Variants in RAPGEF6 observed in about 807,000 individuals in gnomAD.
RAPGEF6 encodes the protein Rap guanine nucleotide exchange factor 6, also known as PDZ domain containing guanine nucleotide exchange factor (GEF) 2.
A neutral mutation model predicts 171.4 loss-of-function variants in RAPGEF6; 56 were observed. The observed-to-expected ratio is 0.33, with a 90% CI of 0.26 to 0.41. The LOEUF is 0.41. Among genes scored for constraint, RAPGEF6 ranks in the 10% least tolerant of loss-of-function variants. The probability of loss-of-function intolerance (pLI) is 1.00; values close to 1 mark genes in which losing one functional copy is unlikely to be tolerated. For missense variants in RAPGEF6, 1,674 were observed against 1,921.4 expected (o/e 0.87, Z 2.41); for synonymous variants, 692 against 650.1 (o/e 1.06, Z -0.98).
chr5:131,504,900 T>G (rs1757264994), intron 10 of RAPGEF6, 122 bp from the exon 11 acceptor site: 11 of 929,560 alleles, frequency 1.2e-5, no homozygotes, highest in Non-Finnish European at 1.4e-5. Flanking sequence ...ACTTAATTCC[T>G]TTAATCTTTA....
intron 6 of RAPGEF6, among the ~76,000 whole-genome samples, chr5:131,541,154 A>G (rs764730442): frequency 4.6e-5 from 7 of 152,218 alleles, no homozygotes; most frequent in Non-Finnish European, 1.0e-4. Flanking sequence ...ACTTCATGCA[A>G]GTACTATCCT....
chr5:131,491,029 A>G (rs1756244691), intron 14 of RAPGEF6, among the ~76,000 whole-genome samples: 1 of 152,140 alleles, frequency 6.6e-6, no homozygotes, highest in Non-Finnish European at 1.5e-5. Flanking sequence ...AAAGCATGAT[A>G]AATTTCATTC....
intron 23 of RAPGEF6, among the ~76,000 whole-genome samples, chr5:131,440,447 A>G (rs1248030463): frequency 1.3e-5 from 2 of 152,114 alleles, no homozygotes; most frequent in Non-Finnish European, 2.9e-5. Flanking sequence ...CTTAAAACAT[A>G]AAGTAAGTGG....
intron 9 of RAPGEF6, among the ~76,000 whole-genome samples, chr5:131,507,567 G>A (rs375636688): frequency 1.3e-5 from 2 of 151,972 alleles, no homozygotes; most frequent in African/African-American, 4.8e-5. Context: ...GCTGTCATCC[G>A]AGCATTTTTG....
intron 17 of RAPGEF6, chr5:131,469,745 CAAAAT>C: frequency 7.7e-7 from 1 of 1,294,842 alleles, no homozygotes; most frequent in East Asian, 2.6e-5. Flanking sequence ...TAAAAAATAA[CAAAAT>C]AATACATACA....
At position 131,427,065 on chromosome 5, in the gene RAPGEF6, C is replaced by T. The variant is rs1234923150; in HGVS notation, c.*201G>A. ...TGGTATCCAGGCATAGCATCCATTG[C>T]TCAGGAAACTATTTATCTGCAGAAA... On this transcript the variant is annotated 3_prime_UTR_variant, in exon 28 of 28. Coordinates refer to ENST00000509018, the MANE Select transcript of RAPGEF6 (RefSeq NM_016340.6). 3.2e-6 allele frequency: 2 copies of T among 617,762 alleles called. No homozygotes were observed. The highest frequency in any genetic ancestry group is 2.9e-5 in the East Asian group (1 of 34,526). 38.3% of individuals were successfully genotyped at this position (617,762 alleles called of 1,614,324 possible).
intron 6 of RAPGEF6, among the ~76,000 whole-genome samples, chr5:131,527,767 G>A (rs1758984568): frequency 6.6e-6 from 1 of 152,034 alleles, no homozygotes; most frequent in Admixed American, 6.6e-5. Flanking sequence ...TGTAATCCCA[G>A]CACTTTGGGA....
chr5:131,621,547 C>T (rs1299279789), intron 1 of RAPGEF6, among the ~76,000 whole-genome samples: 2 of 152,098 alleles, frequency 1.3e-5, no homozygotes, highest in South Asian at 2.1e-4. Flanking sequence ...TCCACTTCAG[C>T]CCCCAATGTT....
intron 7 of RAPGEF6, chr5:131,511,311 G>C (rs1757705231): frequency 6.6e-6 from 1 of 151,870 alleles, no homozygotes; most frequent in Admixed American, 6.6e-5. Context: ...TCTTGTTAAT[G>C]AAAAAGCATG....
At position 131,635,162 on chromosome 5, in the gene RAPGEF6, T is replaced by G. The variant is rs562820604; in HGVS notation, c.-132A>C. The stretch of plus-strand genomic sequence containing the variant: ...TCGCGCCGTAACAAGGTCCGAACTC[T>G]AGCAAACAACCCTTCGCAACGCCCG... On this transcript the variant is annotated 5_prime_UTR_variant, in exon 1 of 28. Coordinates refer to ENST00000509018, the MANE Select transcript of RAPGEF6 (RefSeq NM_016340.6). The G allele has an allele frequency of 2.8e-5, 27 of 950,682 alleles. No individual in the cohort carries two copies. The East Asian group carries it at 6.7e-4, about 23-fold the overall frequency. The allele number at this position is 950,682 out of a possible 1,614,324, so 58.9% of individuals were successfully genotyped here.
chr5:131,487,036 T>C lies in RAPGEF6; in HGVS notation c.1840+2510A>G, dbSNP rs1378452467. On this transcript the variant is annotated intron_variant, in intron 15 of 27. Coordinates refer to ENST00000509018, the MANE Select transcript of RAPGEF6 (RefSeq NM_016340.6). Reference sequence around the variant, plus strand: ...GTTTGTTCTAGTATTGTGTCCAGAGTTGGTTCCTTCCGGTGGGTTCCTGGT... The same window carrying C: ...GTTTGTTCTAGTATTGTGTCCAGAGCTGGTTCCTTCCGGTGGGTTCCTGGT... 2.6e-5 allele frequency among the ~76,000 whole-genome samples: 4 copies of C among 152,072 alleles called. No individual in the cohort carries two copies. The East Asian group carries it at 7.7e-4, about 29-fold the overall frequency.
Position 131,431,069 on chromosome 5 carries a change from T to G in RAPGEF6, c.4255A>C (p.Arg1419=). 6.2e-7 allele frequency: 1 copy of G among 1,614,218 alleles called. No homozygotes were observed. Among genetic ancestry groups the G allele is most frequent in the Non-Finnish European group, 8.5e-7 (1 of 1,180,030 alleles). The change falls in exon 26 of 28, where the codon AGA becomes CGA. Residue 1419 remains arginine, a synonymous_variant. Coordinates refer to ENST00000509018, the MANE Select transcript of RAPGEF6 (RefSeq NM_016340.6). ...EPYSCSKSCS[R]TCGQCKGSLE... is the part of the protein sequence containing the mutation. The stretch of plus-strand genomic sequence containing the variant: ...CTTCCTTTACACTGCCCACAAGTTC[T>G]AGAGCAGCTTTTAGAACAGGAATAG...
intron 25 of RAPGEF6, among the ~76,000 whole-genome samples, chr5:131,432,453 C>T (rs1751766309): frequency 6.6e-6 from 1 of 152,046 alleles, no homozygotes; most frequent in African/African-American, 2.4e-5. Context: ...CCTGTCTCTA[C>T]TAAAAATACA....
chr5:131,531,718 T>A (rs1351161041), intron 6 of RAPGEF6, among the ~76,000 whole-genome samples: 7 of 152,182 alleles, frequency 4.6e-5, no homozygotes, highest in African/African-American at 1.7e-4. Flanking sequence ...CAGCATCATA[T>A]TAATGAAAAA....
At chr5:131,473,076 C>T (rs1372216882) in intron 16 of RAPGEF6, among the ~76,000 whole-genome samples, 2 of 152,176 alleles carry the variant, frequency 1.3e-5, no homozygotes, top group African/African-American at 2.4e-5. Flanking sequence ...TTAGTGGACA[C>T]TAATACATGT....
rs1757641282 is a variant in RAPGEF6 at position 131,510,395 on chromosome 5, G to C, written c.724C>G (p.Arg242Gly). ...TCTCGCCCCTGCAATGGATCTGTTC[G>C]ATCAATCTCTTCATCTTCCTCTTCG... The part of the protein sequence containing the change: ...DDEEEDEEID[R>G]TDPLQGRDLV... Residue 242 changes from arginine (R) to glycine (G), a missense_variant, in exon 8 of 28, where the codon CGA becomes GGA. Coordinates refer to ENST00000509018, the MANE Select transcript of RAPGEF6 (RefSeq NM_016340.6). 4 of 1,614,046 alleles carry C rather than the reference G, an allele frequency of 2.5e-6. No individual in the cohort carries two copies. The highest frequency in any genetic ancestry group is 3.4e-6 in the Non-Finnish European group (4 of 1,180,002).
At chr5:131,561,113 A>G (rs1761571466) in intron 5 of RAPGEF6, among the ~76,000 whole-genome samples, 1 of 149,828 alleles carries the variant, frequency 6.7e-6, no homozygotes, top group Non-Finnish European at 1.5e-5. Flanking sequence ...TTCTTCTAAT[A>G]CTTAAAAAAA....
chr5:131,473,806 A>G (rs1461570671), intron 16 of RAPGEF6, among the ~76,000 whole-genome samples: 1 of 152,250 alleles, frequency 6.6e-6, no homozygotes, highest in African/African-American at 2.4e-5. Context: ...GTAGATTAGA[A>G]AACTATGCAA....
intron 4 of RAPGEF6, among the ~76,000 whole-genome samples, chr5:131,585,720 G>A (rs574584428): frequency 2.4e-4 from 36 of 152,156 alleles, no homozygotes; most frequent in Non-Finnish European, 4.6e-4. Context: ...CAGCTACTGG[G>A]GAGGCTGAGG....
Sources: gnomAD v4.1 joint callset for allele counts (sites outside exome capture counted in the v4.1 genomes callset) on GRCh38, gnomAD v4.1.1 for gene constraint, MANE v1.5 for transcripts, NCBI Gene and HGNC (gene_info 2026-07-23, HGNC 2026-07-21) for gene names.